Variants in CA1 observed in about 807,000 individuals in gnomAD.
The protein encoded by CA1 is carbonic anhydrase 1.
In CA1, 27 loss-of-function variants were observed where a neutral mutation model predicts 28.8. That is an observed-to-expected ratio of 0.94 (90% confidence interval 0.69 to 1.29). CA1 has a LOEUF of 1.29. Among genes scored for constraint, CA1 ranks in the 50% most tolerant of loss-of-function variants. The pLI, the probability that CA1 is intolerant of heterozygous loss-of-function variation, is 0.00. For synonymous variants in CA1, 121 were observed against 108.8 expected (o/e 1.11, Z -0.70); for missense variants, 335 against 310.5 (o/e 1.08, Z -0.59).
At chr8:85,369,789 A>G (rs1810149058) in intron 1 of CA1, among the ~76,000 whole-genome samples, 1 of 152,200 alleles carries the variant, frequency 6.6e-6, no homozygotes, top group Non-Finnish European at 1.5e-5. Context: ...TTCTCCACTC[A>G]TCCCTTACGC....
chr8:85,332,068 G>C (rs1234734315), intron 6 of CA1, among the ~76,000 whole-genome samples: 1 of 151,826 alleles, frequency 6.6e-6, no homozygotes, highest in Non-Finnish European at 1.5e-5. Context: ...CATTTTTTTT[G>C]AGTTGACAAG....
chr8:85,330,390 T>C (rs1321329038), intron 6 of CA1, among the ~76,000 whole-genome samples: 1 of 152,164 alleles, frequency 6.6e-6, no homozygotes, highest in East Asian at 1.9e-4. Context: ...ATGTTAGTGA[T>C]GATATCAACT....
chr8:85,340,633 T>A (rs1369701026), intron 2 of CA1, among the ~76,000 whole-genome samples: 1 of 152,196 alleles, frequency 6.6e-6, no homozygotes, highest in Non-Finnish European at 1.5e-5. Flanking sequence ...TTATGATGGA[T>A]CTGAGTAAAG....
At chr8:85,342,785 C>T (rs1393908492) in intron 1 of CA1, 3 of 152,166 alleles carry the variant, frequency 2.0e-5, no homozygotes, top group Non-Finnish European at 4.4e-5. Flanking sequence ...ACAGTCATTC[C>T]TCCTTTCACA....
intron 3 of CA1, 105 bp downstream of exon 3, chr8:85,338,147 C>G (rs577005609): frequency 9.7e-7 from 1 of 1,033,054 alleles, no homozygotes; most frequent in East Asian, 2.4e-5. Context: ...ATGCTGCACA[C>G]AAGCACAAAA....
At chr8:85,330,948 C>G (rs1244806374) in intron 6 of CA1, among the ~76,000 whole-genome samples, 1 of 151,862 alleles carries the variant, frequency 6.6e-6, no homozygotes, top group Non-Finnish European at 1.5e-5. Context: ...GTTTTCATAC[C>G]TGGTTTTGGT....
intron 6 of CA1, among the ~76,000 whole-genome samples, chr8:85,330,988 T>C: frequency 6.6e-6 from 1 of 152,198 alleles, no homozygotes; most frequent in Non-Finnish European, 1.5e-5. Context: ...ATGGGAAGTT[T>C]TCTGTCTGTT....
At chr8:85,372,684 G>A (rs776926635) in intron 1 of CA1, among the ~76,000 whole-genome samples, 2 of 152,158 alleles carry the variant, frequency 1.3e-5, no homozygotes, top group Non-Finnish European at 2.9e-5. Flanking sequence ...ATCCACCACA[G>A]TCCAAAATTA....
At chr8:85,356,929 G>C (rs962304096) in intron 1 of CA1, among the ~76,000 whole-genome samples, 10 of 152,120 alleles carry the variant, frequency 6.6e-5, no homozygotes, top group Non-Finnish European at 1.3e-4. Context: ...AATCCCAGTT[G>C]CACACCTGAA....
Position 85,348,325 on chromosome 8 carries a change from C to A in CA1, c.-24-6666G>T, listed in dbSNP as rs146787626. ...AAATACAGGGTGGTGACTTGCTCTG[C>A]AGTAGTTTTTAAATCAAATGCTCAA... On this transcript the variant is annotated intron_variant, in intron 1 of 7. Transcript: ENST00000523022. Among the ~76,000 whole-genome samples the A allele has an allele frequency of 1.2e-4, 18 of 152,166 alleles. 1 individual carries two copies. The East Asian group carries it at 3.5e-3, about 29-fold the overall frequency.
At chr8:85,334,896 A>G (rs1486775185) in intron 4 of CA1, among the ~76,000 whole-genome samples, 1 of 152,104 alleles carries the variant, frequency 6.6e-6, no homozygotes. Context: ...AGGCCGGGGC[A>G]GGAGAATCAC....
intron 4 of CA1, among the ~76,000 whole-genome samples, chr8:85,336,317 A>G (rs1274964898): frequency 6.6e-6 from 1 of 152,214 alleles, no homozygotes; most frequent in Non-Finnish European, 1.5e-5. Context: ...CACCTAAAAT[A>G]AAGAGCAAAA....
rs1809782623 is a variant in CA1, at chr8:85,361,217, C to A, written c.-25+16829G>T. Among the ~76,000 whole-genome samples, 2 of 152,144 alleles carry A rather than the reference C, an allele frequency of 1.3e-5. 1 individual carries two copies. Among genetic ancestry groups the A allele is most frequent in the Admixed American group, 1.3e-4 (2 of 15,266 alleles). On this transcript the variant is annotated intron_variant, in intron 1 of 7. Transcript: ENST00000523022. ...TGAACTGGTTCATGGTTGCTGATGA[C>A]CCCTGGCTATCGATCTCTTTAAGGA...
At chr8:85,355,377 C>T (rs1809564922) in intron 1 of CA1, among the ~76,000 whole-genome samples, 1 of 152,002 alleles carries the variant, frequency 6.6e-6, no homozygotes, top group Admixed American at 6.6e-5. Flanking sequence ...TGTACCTATG[C>T]ACTTATTTTT....
At chr8:85,334,373 A>T (rs1031466648) in intron 4 of CA1, among the ~76,000 whole-genome samples, 1 of 152,148 alleles carries the variant, frequency 6.6e-6, no homozygotes, top group Non-Finnish European at 1.5e-5. Context: ...CATGTTCACA[A>T]CTTTGAGCCT....
chr8:85,369,021 G>A lies in CA1; in HGVS notation c.-25+9025C>T, dbSNP rs145423853. Among the ~76,000 whole-genome samples, 544 of 152,244 alleles carry A rather than the reference G, an allele frequency of 3.6e-3. 3 individuals carry two copies. The highest frequency in any genetic ancestry group is 0.011 in the African/African-American group (455 of 41,550). On this transcript the variant is annotated intron_variant, in intron 1 of 7. Transcript: ENST00000523022. ...TGAGTTTGAAGGCTGTAGCTCAGTGGCAGATCAGGACACCTAGGAACATTT... is the reference window on the plus strand; with the variant it reads ...TGAGTTTGAAGGCTGTAGCTCAGTGACAGATCAGGACACCTAGGAACATTT...
At chr8:85,346,750 G>A (rs556405919) in intron 1 of CA1, among the ~76,000 whole-genome samples, 1 of 151,936 alleles carries the variant, frequency 6.6e-6, no homozygotes, top group East Asian at 1.9e-4. Flanking sequence ...CAACAAGAGT[G>A]AAACTCCGTC....
chr8:85,358,717 C>A (rs532217836), intron 1 of CA1, among the ~76,000 whole-genome samples: 2 of 152,282 alleles, frequency 1.3e-5, no homozygotes, highest in East Asian at 3.9e-4. Flanking sequence ...AATGGGACAT[C>A]AGCGAACAAC....
intron 1 of CA1, among the ~76,000 whole-genome samples, chr8:85,360,707 T>A (rs1468052684): frequency 6.6e-6 from 1 of 152,078 alleles, no homozygotes; most frequent in Non-Finnish European, 1.5e-5. Flanking sequence ...AATATATAAA[T>A]AAACAATTAA....
Sources: allele counts gnomAD v4.1 joint callset (sites outside exome capture counted in the v4.1 genomes callset), GRCh38; gene constraint gnomAD v4.1.1; transcripts MANE v1.5; gene names NCBI Gene and HGNC (gene_info 2026-07-23, HGNC 2026-07-21).